NAV2: variants seen among roughly 807,000 people sequenced by gnomAD.
The protein encoded by NAV2 is neuron navigator 2.
NAV2 carries 54 observed loss-of-function variants against 223.2 expected under a neutral mutation model. The observed-to-expected ratio is 0.24, with a 90% CI of 0.19 to 0.30. NAV2 has a LOEUF of 0.30. NAV2 is among the 10% of genes least tolerant of loss of function. The pLI is 1.00. For synonymous variants in NAV2, 1,279 were observed against 1,239.3 expected, an observed-to-expected ratio of 1.03 and a Z score of -0.67; for missense variants, 2,806 against 3,147.5, an observed-to-expected ratio of 0.89 and a Z score of 2.60.
intron 1 of NAV2, among the ~76,000 whole-genome samples, chr11:19,481,539 C>A (rs552312340): frequency 1.3e-5 from 2 of 152,300 alleles, no homozygotes; most frequent in South Asian, 4.2e-4. Context: ...TGTTGCAGGG[C>A]AAAATACTTA....
At chr11:20,022,826 T>G in intron 11 of NAV2, 1 of 1,271,092 alleles carries the variant, frequency 7.9e-7, no homozygotes, top group Non-Finnish European at 9.9e-7. Context: ...TGTTAGCTTT[T>G]GCTTTGCTGA....
chr11:19,831,628 G>A (rs1450478635), intron 1 of NAV2, among the ~76,000 whole-genome samples: 1 of 152,162 alleles, frequency 6.6e-6, no homozygotes, highest in Non-Finnish European at 1.5e-5. Flanking sequence ...TTTTGGCTTT[G>A]ATGGCTGGGG....
At chr11:20,080,541 CT>C (rs1384612486) in intron 25 of NAV2, among the ~76,000 whole-genome samples, 3 of 143,222 alleles carry the variant, frequency 2.1e-5, no homozygotes, top group Non-Finnish European at 3.0e-5. Flanking sequence ...GAAAGTTATT[CT>C]TAAATGGTTT....
intron 1 of NAV2, among the ~76,000 whole-genome samples, chr11:19,704,025 G>C (rs534568128): frequency 6.6e-6 from 1 of 151,810 alleles, no homozygotes; most frequent in Non-Finnish European, 1.5e-5. Flanking sequence ...TTTTTTTGGG[G>C]GGGTGGAAGG....
At chr11:19,584,350 T>C (rs1396712999) in intron 1 of NAV2, among the ~76,000 whole-genome samples, 1 of 152,220 alleles carries the variant, frequency 6.6e-6, no homozygotes. Context: ...CATTGATTTT[T>C]TGAAGGGTCT....
rs556525856 is a variant in NAV2 at position 19,995,047 on chromosome 11, A to T, written c.2768+10800A>T. ...TTGGTGATGATTATGAATGCAATCC[A>T]GGCGATAAGGAAAGGAGTGCAGTAG... is the stretch of plus-strand genomic sequence containing the variant. On this transcript the variant is annotated intron_variant, in intron 11 of 37. Coordinates refer to ENST00000349880, the MANE Select transcript of NAV2 (RefSeq NM_145117.5). Among the ~76,000 whole-genome samples the T allele has an allele frequency of 8.3e-4, 127 of 152,348 alleles. 1 individual carries two copies. In the Middle Eastern group the frequency reaches 0.01, roughly 12 times the overall value.
At chr11:19,654,826 C>T (rs2048072756) in intron 1 of NAV2, among the ~76,000 whole-genome samples, 3 of 152,200 alleles carry the variant, frequency 2.0e-5, no homozygotes, top group Non-Finnish European at 4.4e-5. Context: ...AGGACATAGG[C>T]ATGGGCAAGG....
intron 35 of NAV2, among the ~76,000 whole-genome samples, chr11:20,106,919 T>A (rs1030216353): frequency 4.6e-5 from 7 of 152,066 alleles, no homozygotes; most frequent in African/African-American, 1.7e-4. Context: ...GTGCTGGGAT[T>A]ACAGGTGTGA....
At chr11:19,733,504 A>C (rs78988426) in intron 1 of NAV2, among the ~76,000 whole-genome samples, 4 of 152,206 alleles carry the variant, frequency 2.6e-5, no homozygotes, top group Non-Finnish European at 5.9e-5. Flanking sequence ...GGTTCTGCTA[A>C]GAACCCAAGA....
chr11:19,958,517 T>A (rs2048077069), intron 10 of NAV2, among the ~76,000 whole-genome samples: 1 of 152,190 alleles, frequency 6.6e-6, no homozygotes, highest in Non-Finnish European at 1.5e-5. Context: ...CTGTGGAGTT[T>A]GACCTGCAGT....
At chr11:19,435,535 C>T (rs1016011177) in intron 1 of NAV2, among the ~76,000 whole-genome samples, 8 of 152,206 alleles carry the variant, frequency 5.3e-5, no homozygotes, top group Admixed American at 5.2e-4. Flanking sequence ...CTACAGTGAA[C>T]GTGGGAGTGC....
chr11:19,589,202 A>T (rs1466580320), intron 1 of NAV2, among the ~76,000 whole-genome samples: 1 of 152,220 alleles, frequency 6.6e-6, no homozygotes, highest in Non-Finnish European at 1.5e-5. Flanking sequence ...TATCAATTTA[A>T]TGACAGAATT....
chr11:19,515,289 C>A (rs2043410227), intron 1 of NAV2, among the ~76,000 whole-genome samples: 1 of 152,174 alleles, frequency 6.6e-6, no homozygotes, highest in Non-Finnish European at 1.5e-5. Context: ...CTCTGGACCT[C>A]TCTTTTTCCA....
chr11:19,464,985 GGCTAGCCTGGAGTTGGGCTCTTTTGTGA>G lies in NAV2; in HGVS notation c.75+113970_75+113997del, dbSNP rs1254817934. On this transcript the variant is annotated intron_variant, in intron 1 of 37. Coordinates refer to the NAV2 transcript ENST00000360655. The stretch of plus-strand genomic sequence containing the variant: ...AGCTTATAATATTACTATTTTTACG[GGCTAGCCTGGAGTTGGGCTCTTTTGTGA>G]GCTAGCCTGGAATAGCACTGTTTTG... Among the ~76,000 whole-genome samples, 13 of 152,182 alleles carry G rather than the reference GGCTAGCCTGGAGTTGGGCTCTTTTGTGA, an allele frequency of 8.5e-5. No homozygotes were observed. In the South Asian group the frequency reaches 2.7e-3, roughly 32 times the overall value.
chr11:20,012,027 T>G (rs1367973156), intron 11 of NAV2, among the ~76,000 whole-genome samples: 1 of 152,204 alleles, frequency 6.6e-6, no homozygotes, highest in Non-Finnish European at 1.5e-5. Flanking sequence ...GAGCATAGTC[T>G]CGAGTATCTT....
At chr11:20,046,065 G>A (rs11025363) in intron 14 of NAV2, among the ~76,000 whole-genome samples, 55,324 of 152,074 alleles carry the variant, frequency 0.36, 10,435 homozygotes, top group Non-Finnish European at 0.42. Flanking sequence ...GCTGGGCACC[G>A]TGGCTCACGC....
At chr11:19,831,769 A>G (rs1181137941) in intron 1 of NAV2, among the ~76,000 whole-genome samples, 2 of 152,180 alleles carry the variant, frequency 1.3e-5, no homozygotes, top group African/African-American at 4.8e-5. Context: ...TGTTCTCCTG[A>G]TTCCATGGGT....
intron 29 of NAV2, 36 bp from the exon 30 acceptor site, chr11:20,095,636 C>T (rs1313590298): frequency 6.8e-6 from 10 of 1,461,770 alleles, no homozygotes; most frequent in Admixed American, 6.7e-5. Context: ...AAAAGATCCA[C>T]CTGTTTTTCA....
chr11:19,971,880 T>C (rs2153429497), intron 10 of NAV2, among the ~76,000 whole-genome samples: 1 of 152,294 alleles, frequency 6.6e-6, no homozygotes, highest in South Asian at 2.1e-4. Context: ...TTTTTGTATT[T>C]TTAGTAGAGA....
Sources: allele counts gnomAD v4.1 joint callset (sites outside exome capture counted in the v4.1 genomes callset), GRCh38; gene constraint gnomAD v4.1.1; transcripts MANE v1.5; gene names NCBI Gene and HGNC (gene_info 2026-07-23, HGNC 2026-07-21).